UXS1: variants seen among roughly 807,000 people sequenced by gnomAD.
UXS1 encodes the protein UDP-glucuronate decarboxylase 1.
Under a neutral mutation model 62.6 loss-of-function variants are expected in UXS1, and 33 were observed. That is an observed-to-expected ratio of 0.53 (90% CI 0.40 to 0.70). The LOEUF (loss-of-function observed/expected upper bound fraction) is 0.70. Ranked by LOEUF, UXS1 falls within the 30% of genes least tolerant of loss-of-function variation. UXS1 has a pLI of 0.00. For synonymous variants in UXS1, 213 were observed against 206.8 expected, an observed-to-expected ratio of 1.03 and a Z score of -0.26; for missense variants, 434 against 556.3, an observed-to-expected ratio of 0.78 and a Z score of 2.21.
At chr2:106,191,562 G>A (rs889458678) in intron 1 of UXS1, among the ~76,000 whole-genome samples, 6 of 152,206 alleles carry the variant, frequency 3.9e-5, no homozygotes, top group Non-Finnish European at 7.3e-5. Context: ...CATGTCGTGG[G>A]CTGCACCCCA....
intron 12 of UXS1, chr2:106,100,786 A>G: frequency 2.3e-6 from 1 of 429,784 alleles, no homozygotes; most frequent in Non-Finnish European, 4.1e-6. Context: ...TCCACCTACT[A>G]CCACCAAAAG....
chr2:106,159,475 T>C (rs1029577910), intron 4 of UXS1: 1 of 152,210 alleles, frequency 6.6e-6, no homozygotes, highest in African/African-American at 2.4e-5. Flanking sequence ...CTTGCTGCCC[T>C]AAGGTGCCAC....
chr2:106,186,968 C>T (rs887506115), intron 1 of UXS1, among the ~76,000 whole-genome samples: 7 of 151,906 alleles, frequency 4.6e-5, no homozygotes, highest in Non-Finnish European at 2.9e-5. Context: ...TAGAAGAATA[C>T]CTTTATTCTT....
At chr2:106,100,748 TAA>T (rs1558673451) in intron 12 of UXS1, 1 of 307,750 alleles carries the variant, frequency 3.2e-6, no homozygotes, top group African/African-American at 2.2e-5. Context: ...ACCCGCCTGT[TAA>T]ATAGAGAACG....
chr2:106,104,747 CT>C (rs1292596946), intron 11 of UXS1, 46 bp downstream of exon 11: 1 of 1,613,140 alleles, frequency 6.2e-7, no homozygotes, highest in Non-Finnish European at 8.5e-7. Context: ...GGCATGACCC[CT>C]GCTCCAAAGC....
chr2:106,098,627 T>C, intron 13 of UXS1, 89 bp downstream of exon 13: 2 of 1,070,494 alleles, frequency 1.9e-6, no homozygotes, highest in Non-Finnish European at 2.8e-6. Flanking sequence ...AATTAGCTTG[T>C]ATTAATTACC....
At chr2:106,129,440 T>C (rs1458103653) in intron 7 of UXS1, among the ~76,000 whole-genome samples, 1 of 152,232 alleles carries the variant, frequency 6.6e-6, no homozygotes, top group Admixed American at 6.5e-5. Context: ...TGCAGCCTGA[T>C]TACTACAATG....
intron 5 of UXS1, among the ~76,000 whole-genome samples, chr2:106,155,132 C>T (rs58854566): frequency 0.016 from 2,388 of 152,178 alleles, 74 homozygotes; most frequent in African/African-American, 0.054. Context: ...TCCCCATGAC[C>T]CAAATAATTC....
chr2:106,105,898 G>C (rs1234497184), intron 10 of UXS1, among the ~76,000 whole-genome samples: 1 of 152,136 alleles, frequency 6.6e-6, no homozygotes, highest in Non-Finnish European at 1.5e-5. Flanking sequence ...TTGGGAACAA[G>C]CTTGATTATA....
intron 5 of UXS1, among the ~76,000 whole-genome samples, chr2:106,154,879 T>A (rs919512424): frequency 2.6e-5 from 4 of 152,192 alleles, no homozygotes; most frequent in African/African-American, 9.7e-5. Flanking sequence ...GCTGGGTGAT[T>A]TATAAAGCAA....
intron 6 of UXS1, among the ~76,000 whole-genome samples, chr2:106,139,211 T>C (rs1349924986): frequency 6.6e-6 from 1 of 152,112 alleles, no homozygotes; most frequent in East Asian, 1.9e-4. Flanking sequence ...GTGCCCACAG[T>C]TGCTCCAGAG....
At chr2:106,175,101 GCCC>G (rs1368926627) in intron 1 of UXS1, among the ~76,000 whole-genome samples, 1 of 152,184 alleles carries the variant, frequency 6.6e-6, no homozygotes, top group African/African-American at 2.4e-5. Context: ...TGTGAAAGAT[GCCC>G]CCCATTTCAG....
At chr2:106,131,036 C>T (rs1680417144) in intron 6 of UXS1, among the ~76,000 whole-genome samples, 1 of 150,924 alleles carries the variant, frequency 6.6e-6, no homozygotes, top group Non-Finnish European at 1.5e-5. Flanking sequence ...TGGGCGCAGG[C>T]CAGTGTGTGC....
At chr2:106,104,311 G>A (rs578065309) in intron 11 of UXS1, among the ~76,000 whole-genome samples, 145 of 152,272 alleles carry the variant, frequency 9.5e-4, no homozygotes, top group African/African-American at 3.1e-3. Flanking sequence ...AAATCACCAC[G>A]TGAATCTATT....
chr2:106,119,741 T>C (rs895501491), intron 9 of UXS1, among the ~76,000 whole-genome samples: 8 of 152,160 alleles, frequency 5.3e-5, no homozygotes, highest in African/African-American at 1.9e-4. Flanking sequence ...GCAGACCCAA[T>C]GTGGCAGGAG....
chr2:106,158,144 G>C (rs1172969667), intron 4 of UXS1, 26 bp from the exon 5 acceptor site: 1 of 1,525,228 alleles, frequency 6.6e-7, no homozygotes. Flanking sequence ...AGATTCAAAA[G>C]GAAAAAGTCA....
chr2:106,188,646 C>G (rs960885312), intron 1 of UXS1, among the ~76,000 whole-genome samples: 3 of 152,184 alleles, frequency 2.0e-5, no homozygotes, highest in African/African-American at 7.2e-5. Flanking sequence ...CTGCAGGGAC[C>G]AGGGAGAGTC....
chr2:106,174,450 A>G (rs531731662), intron 1 of UXS1, among the ~76,000 whole-genome samples: 62 of 152,330 alleles, frequency 4.1e-4, no homozygotes, highest in South Asian at 2.5e-3. Context: ...ATGTCACAAG[A>G]TAAGAGCACC....
intron 9 of UXS1, among the ~76,000 whole-genome samples, chr2:106,116,998 T>C (rs1201932342): frequency 6.6e-6 from 1 of 152,144 alleles, no homozygotes; most frequent in African/African-American, 2.4e-5. Flanking sequence ...ATAATACTGA[T>C]GAGAAAAAAA....
Sources: gnomAD v4.1 joint callset for allele counts (sites outside exome capture counted in the v4.1 genomes callset) on GRCh38, gnomAD v4.1.1 for gene constraint, MANE v1.5 for transcripts, NCBI Gene and HGNC (gene_info 2026-07-23, HGNC 2026-07-21) for gene names.